Variants in IGSF3 observed in about 807,000 individuals in gnomAD.
The protein encoded by IGSF3 is immunoglobulin superfamily member 3.
In IGSF3, 23 loss-of-function variants were observed where a neutral mutation model predicts 114.4. The ratio of observed to expected loss-of-function variants is 0.20; its 90% CI spans 0.14 to 0.28. IGSF3 has a LOEUF of 0.28. Among genes scored for constraint, IGSF3 ranks in the 10% least tolerant of loss-of-function variants. The pLI, the probability that IGSF3 is intolerant of heterozygous loss-of-function variation, is 1.00. For missense variants in IGSF3, 1,172 were observed against 1,591.5 expected (o/e 0.74, Z 4.48); for synonymous variants, 571 against 645.2 (o/e 0.88, Z 1.74).
In IGSF3 at chr1:116,607,872, C is replaced by T; in HGVS notation, c.1222+70G>A. On this transcript the variant is annotated intron_variant, in intron 5 of 10. Transcript: ENST00000369486. This position sits in a 1 kb window ranked among gnomAD's most constrained non-coding sequence, Gnocchi z 6.1. ...CTCCCCTCACCTTCACCACGCTATT[C>T]TCTCTCCCCCTACCTCTCCTAAATG... is the stretch of plus-strand genomic sequence containing the variant. 2 of 1,468,366 alleles carry T rather than the reference C, an allele frequency of 1.4e-6. No homozygotes were observed. The highest frequency in any genetic ancestry group is 1.9e-6 in the Non-Finnish European group (2 of 1,065,720). 91.0% of individuals were successfully genotyped at this position (1,468,366 alleles called of 1,614,324 possible). A position where few individuals can be genotyped will look rare whatever the true frequency, so the allele number is the denominator to read the frequency against.
chr1:116,627,889 C>G lies in IGSF3; in HGVS notation c.44-11432G>C, dbSNP rs1383328774. On this transcript the variant is annotated intron_variant, in intron 2 of 10. Transcript: ENST00000369486. This position sits in a 1 kb window ranked among gnomAD's most constrained non-coding sequence, Gnocchi z 4.7. Reference sequence around the variant, plus strand: ...CAGTGAATTGGGGTCTCCAAAGGAACCTCAGAGCCGTGTCCTACTCAGAGC... The same window carrying G: ...CAGTGAATTGGGGTCTCCAAAGGAAGCTCAGAGCCGTGTCCTACTCAGAGC... 6.6e-6 allele frequency among the ~76,000 whole-genome samples: 1 copy of G among 152,186 alleles called. No homozygotes were observed. The highest frequency in any genetic ancestry group is 1.5e-5 in the Non-Finnish European group (1 of 68,040).
Position 116,579,280 on chromosome 1 carries a change from GC to G in IGSF3, c.3334+111del. The G allele has an allele frequency of 7.5e-7, 1 of 1,335,506 alleles. No homozygotes were observed. The highest frequency in any genetic ancestry group is 1.0e-6 in the Non-Finnish European group (1 of 976,650). The allele number at this position is 1,335,506 out of a possible 1,614,324, so 82.7% of individuals were successfully genotyped here. On this transcript the variant is annotated intron_variant, in intron 10 of 10. Transcript: ENST00000369486. The surrounding 1 kb of genome is among the most constrained non-coding windows in gnomAD (Gnocchi z 6.4). Reference sequence around the variant, plus strand: ...CATATCTCAAATCCTACTAATAAATGCCCATGACAGTTAAGAAAACTGTTTA... The same window carrying G: ...CATATCTCAAATCCTACTAATAAATGCCATGACAGTTAAGAAAACTGTTTA...
rs1557851722 is a variant in IGSF3, at chr1:116,577,691, C to A, written c.3335-129G>T. Reference sequence around the variant, plus strand: ...ACACTCCCACACCACCTTGTCTTTCCCCTGCTACCATTAATGGTGGAAGAT... The same window carrying A: ...ACACTCCCACACCACCTTGTCTTTCACCTGCTACCATTAATGGTGGAAGAT... On this transcript the variant is annotated intron_variant, in intron 10 of 10. Coordinates refer to ENST00000369486, the MANE Select transcript of IGSF3 (RefSeq NM_001007237.3). The surrounding 1 kb of genome is among the most constrained non-coding windows in gnomAD (Gnocchi z 5.7). 8 of 773,486 alleles carry A rather than the reference C, an allele frequency of 1.0e-5. No individual in the cohort carries two copies. The East Asian group carries it at 2.0e-4, about 19-fold the overall frequency. The allele number at this position is 773,486 out of a possible 1,614,324, so 47.9% of individuals were successfully genotyped here. A position where few individuals can be genotyped will look rare whatever the true frequency, so the allele number is the denominator to read the frequency against.
Position 116,629,842 on chromosome 1 carries a change from A to T in IGSF3, c.44-13385T>A, listed in dbSNP as rs922248517. ...TTATTAAACTTTCCATTCCATGTTGATCCCTTCCAAGCCTTCTAACGCATC... is the reference window on the plus strand; with the variant it reads ...TTATTAAACTTTCCATTCCATGTTGTTCCCTTCCAAGCCTTCTAACGCATC... On this transcript the variant is annotated intron_variant, in intron 2 of 10. Transcript: ENST00000369486. This position sits in a 1 kb window ranked among gnomAD's most constrained non-coding sequence, Gnocchi z 4.3. Among the ~76,000 whole-genome samples the T allele has an allele frequency of 1.1e-4, 16 of 152,148 alleles. No individual in the cohort carries two copies. Among genetic ancestry groups the T allele is most frequent in the Non-Finnish European group, 2.1e-4 (14 of 68,026 alleles).
chr1:116,600,424 C>G lies in IGSF3; in HGVS notation c.1625-79G>C, dbSNP rs1169328780. ...CAGTATGACATCAGCAATGGGGCAG[C>G]TGGCAAAGCAAGCAGTGTGGGACAG... On this transcript the variant is annotated intron_variant, in intron 6 of 10. Coordinates refer to ENST00000369486, the MANE Select transcript of IGSF3 (RefSeq NM_001007237.3). The surrounding 1 kb of genome is among the most constrained non-coding windows in gnomAD (Gnocchi z 5.5). 3.6e-5 allele frequency: 42 copies of G among 1,154,830 alleles called. No homozygotes were observed. Among genetic ancestry groups the G allele is most frequent in the Non-Finnish European group, 3.7e-5 (30 of 802,164 alleles). The allele number at this position is 1,154,830 out of a possible 1,614,324, so 71.5% of individuals were successfully genotyped here.
intron 2 of IGSF3, among the ~76,000 whole-genome samples, chr1:116,637,477 A>G (rs1647886129): frequency 6.6e-6 from 1 of 152,146 alleles, no homozygotes; most frequent in African/African-American, 2.4e-5. Context: ...AACAGGTTCC[A>G]GTTTGTTTCC....
intron 2 of IGSF3, among the ~76,000 whole-genome samples, chr1:116,659,312 T>C (rs1649012002): frequency 1.3e-5 from 2 of 152,172 alleles, no homozygotes; most frequent in Admixed American, 1.3e-4. Flanking sequence ...AGGGTTCCAG[T>C]TGAGGGAGGT....
In IGSF3 at chr1:116,583,870, C is replaced by T. The variant is rs889798378; in HGVS notation, c.2848+775G>A. ...TAAAGACAAGAAAAACAAAAGGCCA[C>T]ACAGAATAGTTATTAGTACTAATAA... On this transcript the variant is annotated intron_variant, in intron 9 of 10. Transcript: ENST00000369486. This position sits in a 1 kb window ranked among gnomAD's most constrained non-coding sequence, Gnocchi z 4.5. Among the ~76,000 whole-genome samples the T allele has an allele frequency of 6.6e-6, 1 of 152,130 alleles. No individual in the cohort carries two copies. Among genetic ancestry groups the T allele is most frequent in the Non-Finnish European group, 1.5e-5 (1 of 68,040 alleles).
At chr1:116,586,059 A>G (rs531496482) in intron 8 of IGSF3, among the ~76,000 whole-genome samples, 1 of 152,340 alleles carries the variant, frequency 6.6e-6, no homozygotes, top group South Asian at 2.1e-4. Flanking sequence ...TATCAGGACC[A>G]GAGGTATCTA....
At chr1:116,635,457 C>T (rs1474562849) in intron 2 of IGSF3, among the ~76,000 whole-genome samples, 39 of 152,122 alleles carry the variant, frequency 2.6e-4, no homozygotes, top group Non-Finnish European at 5.9e-5. Context: ...ACTTCTTCAC[C>T]CACCCTAACC....
Position 116,661,786 on chromosome 1 carries a change from C to T in IGSF3, c.43+4498G>A, listed in dbSNP as rs1176738570. On this transcript the variant is annotated intron_variant, in intron 2 of 10. Coordinates refer to ENST00000369486, the MANE Select transcript of IGSF3 (RefSeq NM_001007237.3). The surrounding 1 kb of genome is among the most constrained non-coding windows in gnomAD (Gnocchi z 4.0). ...CCAAGTTTTTCTCAGGACACATGGACCCTCAGGATAAGCATATTTTCCAGC... is the reference window on the plus strand; with the variant it reads ...CCAAGTTTTTCTCAGGACACATGGATCCTCAGGATAAGCATATTTTCCAGC... Among the ~76,000 whole-genome samples the T allele has an allele frequency of 6.6e-6, 1 of 152,186 alleles. No individual in the cohort carries two copies. The highest frequency in any genetic ancestry group is 2.4e-5 in the African/African-American group (1 of 41,436).
At chr1:116,608,726 A>G (rs1660898020) in intron 4 of IGSF3, among the ~76,000 whole-genome samples, 1 of 152,142 alleles carries the variant, frequency 6.6e-6, no homozygotes, top group African/African-American at 2.4e-5. Flanking sequence ...TTTAAGCAAC[A>G]GCATTATAAA....
chr1:116,575,012 T>A lies in IGSF3; in HGVS notation c.*2300A>T, dbSNP rs1196604293. The A allele has an allele frequency of 6.6e-6, 1 of 152,644 alleles. No homozygotes were observed. Among genetic ancestry groups the A allele is most frequent in the Non-Finnish European group, 1.5e-5 (1 of 68,040 alleles). 9.5% of individuals were successfully genotyped at this position (152,644 alleles called of 1,614,324 possible). A position where few individuals can be genotyped will look rare whatever the true frequency, so the allele number is the denominator to read the frequency against. On this transcript the variant is annotated 3_prime_UTR_variant, in exon 11 of 11. Transcript: ENST00000369486. This position sits in a 1 kb window ranked among gnomAD's most constrained non-coding sequence, Gnocchi z 5.6. Reference sequence around the variant, plus strand: ...CCTACAATTGCTTTACATATTTGTGTGCAGCACCTACTTCTTTATCGCCGT... The same window carrying A: ...CCTACAATTGCTTTACATATTTGTGAGCAGCACCTACTTCTTTATCGCCGT...
chr1:116,655,646 G>T lies in IGSF3; in HGVS notation c.43+10638C>A, dbSNP rs890458013. Among the ~76,000 whole-genome samples the T allele has an allele frequency of 6.6e-6, 1 of 152,180 alleles. No homozygotes were observed. The highest frequency in any genetic ancestry group is 1.5e-5 in the Non-Finnish European group (1 of 68,024). The stretch of plus-strand genomic sequence containing the variant: ...CGGGTCCAGTTCATTCTATCTGGAG[G>T]AGTCACTTGGGAATTGAAAACACAC... On this transcript the variant is annotated intron_variant, in intron 2 of 10. Transcript: ENST00000369486. The surrounding 1 kb of genome is among the most constrained non-coding windows in gnomAD (Gnocchi z 4.3).
At position 116,649,843 on chromosome 1, in the gene IGSF3, A is replaced by G. The variant is rs577725058; in HGVS notation, c.43+16441T>C. Among the ~76,000 whole-genome samples, 167 of 152,284 alleles carry G rather than the reference A, an allele frequency of 1.1e-3. 1 individual carries two copies. The highest frequency in any genetic ancestry group is 3.8e-3 in the African/African-American group (159 of 41,558). On this transcript the variant is annotated intron_variant, in intron 2 of 10. Coordinates refer to ENST00000369486, the MANE Select transcript of IGSF3 (RefSeq NM_001007237.3). The surrounding 1 kb of genome is among the most constrained non-coding windows in gnomAD (Gnocchi z 4.5). Reference sequence around the variant, plus strand: ...AACTCACAATTTGAGGTGCTCTAGAATCTGTCCGTGGAATTAGTCAGGACA... The same window carrying G: ...AACTCACAATTTGAGGTGCTCTAGAGTCTGTCCGTGGAATTAGTCAGGACA...
chr1:116,591,049 A>C (rs1660091579), intron 7 of IGSF3, among the ~76,000 whole-genome samples: 1 of 149,104 alleles, frequency 6.7e-6, no homozygotes, highest in Non-Finnish European at 1.5e-5. Context: ...CCACGGCCCC[A>C]CCCTCCCGGG....
rs1453781519 is a variant in IGSF3, at chr1:116,592,545, G to A, written c.2030-3441C>T. Among the ~76,000 whole-genome samples, 1 of 152,154 alleles carries A rather than the reference G, an allele frequency of 6.6e-6. No individual in the cohort carries two copies. The highest frequency in any genetic ancestry group is 2.4e-5 in the African/African-American group (1 of 41,418). ...GGAGAGGCTGTTGTGTTTGTTACAGGCCAGGATAGGGTGGTTTCAAGGTGA... is the reference window on the plus strand; with the variant it reads ...GGAGAGGCTGTTGTGTTTGTTACAGACCAGGATAGGGTGGTTTCAAGGTGA... On this transcript the variant is annotated intron_variant, in intron 7 of 10. Transcript: ENST00000369486. The surrounding 1 kb of genome is among the most constrained non-coding windows in gnomAD (Gnocchi z 4.5).
chr1:116,654,824 T>C lies in IGSF3; in HGVS notation c.43+11460A>G, dbSNP rs1233611790. ...TCCACACACCCAGGACTTGGGATAT[T>C]TGTGTATTTTCAAGAATAAAAGTTT... On this transcript the variant is annotated intron_variant, in intron 2 of 10. Transcript: ENST00000369486. The surrounding 1 kb of genome is among the most constrained non-coding windows in gnomAD (Gnocchi z 4.4). 6.6e-6 allele frequency among the ~76,000 whole-genome samples: 1 copy of C among 152,034 alleles called. No homozygotes were observed. The highest frequency in any genetic ancestry group is 2.4e-5 in the African/African-American group (1 of 41,358).
rs1322182510 is a variant in IGSF3, at chr1:116,593,762, C to A, written c.2030-4658G>T. ...ATGGCAAATGGGGCATGCTACTGCC[C>A]ACGGCTGCCCACCCCACAGCCCGTG... On this transcript the variant is annotated intron_variant, in intron 7 of 10. Transcript: ENST00000369486. This position sits in a 1 kb window ranked among gnomAD's most constrained non-coding sequence, Gnocchi z 4.5. 6.6e-6 allele frequency among the ~76,000 whole-genome samples: 1 copy of A among 152,164 alleles called. No homozygotes were observed. Among genetic ancestry groups the A allele is most frequent in the Non-Finnish European group, 1.5e-5 (1 of 68,012 alleles).
Sources: gnomAD v4.1 joint callset for allele counts (sites outside exome capture counted in the v4.1 genomes callset) on GRCh38, gnomAD v4.1.1 for gene constraint, Gnocchi (gnomAD v3.1) non-coding constraint, MANE v1.5 for transcripts, NCBI Gene and HGNC (gene_info 2026-07-23, HGNC 2026-07-21) for gene names.